The following LONRF1 variants were observed in gnomAD, a reference collection of about 807,000 sequenced individuals.
LONRF1 encodes LON peptidase N-terminal domain and ring finger 1, also known as LON peptidase N-terminal domain and RING finger protein 1.
A neutral mutation model predicts 85.8 loss-of-function variants in LONRF1; 37 were observed. The ratio of observed to expected loss-of-function variants is 0.43; its 90% CI spans 0.33 to 0.57. The LOEUF (loss-of-function observed/expected upper bound fraction) is 0.57. Ranked by LOEUF, LONRF1 falls within the 20% of genes least tolerant of loss-of-function variation. The pLI, the probability that LONRF1 is intolerant of heterozygous loss-of-function variation, is 0.04. For missense variants in LONRF1, 1,036 were observed against 978.0 expected, an observed-to-expected ratio of 1.06 and a Z score of -0.79; for synonymous variants, 517 against 390.1, an observed-to-expected ratio of 1.33 and a Z score of -3.83.
chr8:12,755,489 G>C lies in LONRF1; in HGVS notation c.-69C>G. On this transcript the variant is annotated 5_prime_UTR_variant, in exon 1 of 12. Coordinates refer to ENST00000398246, the MANE Select transcript of LONRF1 (RefSeq NM_152271.5). ...CGGAGCCTCCCGGGCGCGCGGCTCC[G>C]CACGCGGCCCGCGAGCAGGGGGGCG... 1 of 868,694 alleles carries C rather than the reference G, an allele frequency of 1.2e-6. No individual in the cohort carries two copies. Among genetic ancestry groups the C allele is most frequent in the Non-Finnish European group, 1.4e-6 (1 of 712,994 alleles). The allele number at this position is 868,694 out of a possible 1,614,324, so 53.8% of individuals were successfully genotyped here. A position where few individuals can be genotyped will look rare whatever the true frequency, so the allele number is the denominator to read the frequency against.
intron 2 of LONRF1, 106 bp from the exon 3 acceptor site, chr8:12,741,102 G>A: frequency 7.9e-7 from 1 of 1,262,234 alleles, no homozygotes; most frequent in South Asian, 1.3e-5. Context: ...GCCGATTCTG[G>A]GCCGGGTGCA....
intron 1 of LONRF1, among the ~76,000 whole-genome samples, chr8:12,745,688 T>C (rs1035241131): frequency 3.3e-5 from 5 of 152,214 alleles, no homozygotes; most frequent in African/African-American, 7.2e-5. Context: ...AGCAAGTGCC[T>C]GGCATATTAT....
chr8:12,754,314 AAAGCGCGCGGCAGG>A (rs1177772163), intron 1 of LONRF1: 1 of 163,112 alleles, frequency 6.1e-6, no homozygotes, highest in African/African-American at 2.4e-5. Context: ...CAATTCCCGG[AAAGCGCGCGGCAGG>A]AAGCGAGCGG....
At chr8:12,742,635 C>CT (rs935506640) in intron 2 of LONRF1, among the ~76,000 whole-genome samples, 35 of 151,552 alleles carry the variant, frequency 2.3e-4, no homozygotes, top group African/African-American at 6.8e-4. Flanking sequence ...ATAATAAAGT[C>CT]TTTTTTTTTC....
intron 10 of LONRF1, 26 bp downstream of exon 10, chr8:12,728,875 T>C: frequency 6.2e-7 from 1 of 1,613,264 alleles, no homozygotes; most frequent in Non-Finnish European, 8.5e-7. Flanking sequence ...TACGAAAGTA[T>C]GCTGGCAAAG....
At chr8:12,724,724 AT>A in intron 11 of LONRF1, among the ~76,000 whole-genome samples, 1 of 152,348 alleles carries the variant, frequency 6.6e-6, no homozygotes, top group Non-Finnish European at 1.5e-5. Flanking sequence ...TTCTTATTCA[AT>A]ATTGTTCTTA....
At chr8:12,724,119 A>G (rs1173074351) in intron 11 of LONRF1, among the ~76,000 whole-genome samples, 2 of 152,186 alleles carry the variant, frequency 1.3e-5, no homozygotes, top group African/African-American at 4.8e-5. Context: ...TCCGCTGTCA[A>G]CTAAGCATTG....
chr8:12,735,536 A>G (rs13272425), intron 6 of LONRF1, 136 bp from the exon 7 acceptor site: 573,888 of 620,380 alleles, frequency 0.93, 267,290 homozygotes, highest in Admixed American at 0.96. Flanking sequence ...GAGGAGAGAA[A>G]GGGCAGTGAT....
chr8:12,732,915 T>C (rs193299785), intron 7 of LONRF1, among the ~76,000 whole-genome samples: 203 of 152,318 alleles, frequency 1.3e-3, no homozygotes, highest in African/African-American at 4.6e-3. Flanking sequence ...AAGCCATCCT[T>C]GAATCTGCAG....
chr8:12,740,823 T>C, intron 3 of LONRF1, 51 bp downstream of exon 3: 2 of 1,563,634 alleles, frequency 1.3e-6, no homozygotes, highest in Non-Finnish European at 8.7e-7. Flanking sequence ...TTTTTAAACC[T>C]GTCTGCCTCT....
intron 7 of LONRF1, among the ~76,000 whole-genome samples, chr8:12,732,710 C>T (rs1448732762): frequency 6.6e-6 from 1 of 152,132 alleles, no homozygotes; most frequent in Non-Finnish European, 1.5e-5. Context: ...GTTTTTACCA[C>T]ATAGTAGGCA....
At chr8:12,749,370 C>G (rs1361300213) in intron 1 of LONRF1, among the ~76,000 whole-genome samples, 1 of 152,142 alleles carries the variant, frequency 6.6e-6, no homozygotes, top group Non-Finnish European at 1.5e-5. Flanking sequence ...AAAAACCAAA[C>G]AGAAGCTTCC....
rs1246796262 is a variant in LONRF1, at chr8:12,736,882, G to T, written c.1354+18C>A. The T allele has an allele frequency of 6.3e-7, 1 of 1,595,456 alleles. No individual in the cohort carries two copies. On this transcript the variant is annotated intron_variant, in intron 5 of 11. Transcript: ENST00000398246. The stretch of plus-strand genomic sequence containing the variant: ...CTAAATAAATTTATTTTATATAAGT[G>T]TAGAGCAAAATTTTTACCTCCTTGT...
chr8:12,738,475 G>T (rs1032098142), intron 3 of LONRF1, among the ~76,000 whole-genome samples: 1 of 152,160 alleles, frequency 6.6e-6, no homozygotes, highest in African/African-American at 2.4e-5. Flanking sequence ...CTGAATCTTA[G>T]TGAGCCCTAT....
Position 12,734,717 on chromosome 8 carries a change from G to A in LONRF1, c.1566+569C>T, listed in dbSNP as rs185749422. Among the ~76,000 whole-genome samples, 430 of 152,256 alleles carry A rather than the reference G, an allele frequency of 2.8e-3. 1 individual carries two copies. The highest frequency in any genetic ancestry group is 4.5e-3 in the Non-Finnish European group (309 of 68,008). On this transcript the variant is annotated intron_variant, in intron 7 of 11. Coordinates refer to ENST00000398246, the MANE Select transcript of LONRF1 (RefSeq NM_152271.5). ...CTTTTCTAGAGCTGCATTGCCCAAT[G>A]TCGCAGCCATTAGTCACATGTGCCT...
chr8:12,729,270 A>T lies in LONRF1; in HGVS notation c.1751T>A (p.Leu584His). 6.2e-7 allele frequency: 1 copy of T among 1,614,026 alleles called. No homozygotes were observed. Among genetic ancestry groups the T allele is most frequent in the Non-Finnish European group, 8.5e-7 (1 of 1,179,916 alleles). The change falls in exon 9 of 12, where the codon CTC (leucine) becomes CAC (histidine). Residue 584 changes from leucine (L) to histidine (H), a missense_variant. Transcript: ENST00000398246. ...TCTGTATCTTGGCTCAAATACATGGAGAGGGCAAGGCACAGTGGGGTAGGC... is the reference window on the plus strand; with the variant it reads ...TCTGTATCTTGGCTCAAATACATGGTGAGGGCAAGGCACAGTGGGGTAGGC... ...TMAYPTVPCP[L>H]HVFEPRYRLM...
intron 1 of LONRF1, among the ~76,000 whole-genome samples, chr8:12,747,686 A>G (rs1271303569): frequency 6.6e-6 from 1 of 152,126 alleles, no homozygotes; most frequent in African/African-American, 2.4e-5. Flanking sequence ...TAAAGTTGAA[A>G]ACTTTCTTTA....
intron 6 of LONRF1, chr8:12,735,643 A>C (rs1350244545): frequency 7.0e-6 from 3 of 431,162 alleles, no homozygotes; most frequent in Non-Finnish European, 1.3e-5. Flanking sequence ...TGTCCTGACT[A>C]ACGCAACAGC....
At chr8:12,738,283 G>A (rs979265160) in intron 3 of LONRF1, 139 bp from the exon 4 acceptor site, 2 of 571,066 alleles carry the variant, frequency 3.5e-6, no homozygotes, top group African/African-American at 1.9e-5. Context: ...AACAAGGTAA[G>A]CAACACTGTA....
Sources: allele counts gnomAD v4.1 joint callset (sites outside exome capture counted in the v4.1 genomes callset), GRCh38; gene constraint gnomAD v4.1.1; transcripts MANE v1.5; gene names NCBI Gene and HGNC (gene_info 2026-07-23, HGNC 2026-07-21).